TACC2: variants seen among roughly 807,000 people sequenced by gnomAD.
The protein encoded by TACC2 is transforming acidic coiled-coil-containing protein 2.
A neutral mutation model predicts 227.3 loss-of-function variants in TACC2; 137 were observed. That is an observed-to-expected ratio of 0.60 (90% CI 0.52 to 0.69). The LOEUF is 0.69. Among genes scored for constraint, TACC2 ranks in the 30% least tolerant of loss-of-function variants. The probability of loss-of-function intolerance (pLI) is 0.00; values close to 1 mark genes in which losing one functional copy is unlikely to be tolerated. For missense variants in TACC2, 3,470 were observed against 3,694.4 expected, an observed-to-expected ratio of 0.94 and a Z score of 1.57; for synonymous variants, 1,523 against 1,487.5, an observed-to-expected ratio of 1.02 and a Z score of -0.55.
intron 6 of TACC2, 105 bp downstream of exon 6, chr10:122,132,839 G>C (rs2088636599): frequency 8.1e-7 from 1 of 1,238,560 alleles, no homozygotes; most frequent in Non-Finnish European, 1.1e-6. Flanking sequence ...CTTTTCTCCT[G>C]CAGTTTCACC....
rs1205444007 is a variant in TACC2, at chr10:122,230,244, GC to G, written c.8038-105del. On this transcript the variant is annotated intron_variant, in intron 15 of 22. Transcript: ENST00000369005. ...GGCGGAGCGCGTGTTTTTCCCGAGT[GC>G]CTGTCATGACACATTTTCGTGGCAC... 28 of 885,712 alleles carry G rather than the reference GC, an allele frequency of 3.2e-5. No individual in the cohort carries two copies. In the African/African-American group the frequency reaches 3.6e-4, roughly 11 times the overall value. 54.9% of individuals were successfully genotyped at this position (885,712 alleles called of 1,614,324 possible).
rs764266181 is a variant in TACC2 at position 122,084,416 on chromosome 10, G to A, written c.1916G>A (p.Gly639Glu). The change falls in exon 4 of 23, where the codon GGG (glycine) becomes GAG (glutamate). Residue 639 changes from glycine (G) to glutamate (E), a missense_variant. Physicochemically the swap from Gly to Glu is moderately conservative, Grantham distance 98 (BLOSUM62 -2). Transcript: ENST00000369005. ...SSHSAQPPRK[G>E]GAGHTDGPHS... ...CACTCAGCACAGCCACCCAGAAAGGGGGGTGCTGGGCACACGGACGGGCCC... is the reference window on the plus strand; with the variant it reads ...CACTCAGCACAGCCACCCAGAAAGGAGGGTGCTGGGCACACGGACGGGCCC... 1.2e-6 allele frequency: 2 copies of A among 1,613,006 alleles called. No individual in the cohort carries two copies. Among genetic ancestry groups the A allele is most frequent in the Non-Finnish European group, 1.7e-6 (2 of 1,180,026 alleles).
intron 3 of TACC2, among the ~76,000 whole-genome samples, chr10:122,064,844 G>C (rs1353895415): frequency 4.6e-5 from 7 of 152,102 alleles, no homozygotes; most frequent in African/African-American, 9.7e-5. Context: ...CATACTGTGA[G>C]TTGTCTGAAT....
Position 122,180,634 on chromosome 10 carries a change from G to A in TACC2, c.5835-14406G>A, listed in dbSNP as rs995061841. On this transcript the variant is annotated intron_variant, in intron 7 of 22. Transcript: ENST00000369005. This position sits in a 1 kb window ranked among gnomAD's most constrained non-coding sequence, Gnocchi z 4.5. ...ATTACAGGCATGAGCCACCGCACCC[G>A]GCCTCTTCCCTCGAGTTCTAATGAC... 1.3e-5 allele frequency among the ~76,000 whole-genome samples: 2 copies of A among 152,062 alleles called. No individual in the cohort carries two copies. Among genetic ancestry groups the A allele is most frequent in the African/African-American group, 2.4e-5 (1 of 41,414 alleles).
rs1476704358 is a variant in TACC2 at position 122,086,023 on chromosome 10, T to C, written c.3523T>C (p.Ser1175Pro). 6.2e-7 allele frequency: 1 copy of C among 1,613,912 alleles called. No homozygotes were observed. Among genetic ancestry groups the C allele is most frequent in the Non-Finnish European group, 8.5e-7 (1 of 1,180,016 alleles). ...CLTSGEEAST[S>P]ALRESCQAEH... ...TACCTCCGGGGAGGAAGCTTCTACC[T>C]CTGCCCTACGTGAGTCCTGCCAAGC... The change falls in exon 4 of 23, where the codon TCT (serine) becomes CCT (proline). Residue 1175 changes from serine (S) to proline (P), a missense_variant. By Grantham distance (74) the Ser-to-Pro change is moderately conservative (BLOSUM62 -1). This residue lies in a region of TACC2 where 1,924 missense variants were observed against 1,978.3 expected (regional missense o/e 0.97). Transcript: ENST00000369005.
At chr10:122,014,989 A>G (rs1428036130) in intron 1 of TACC2, among the ~76,000 whole-genome samples, 2 of 152,152 alleles carry the variant, frequency 1.3e-5, no homozygotes, top group Non-Finnish European at 2.9e-5. Flanking sequence ...AAATCTTCTC[A>G]AGGTGGTAGT....
chr10:122,225,064 TAAA>T (rs10712513), intron 12 of TACC2, among the ~76,000 whole-genome samples: 2 of 143,910 alleles, frequency 1.4e-5, no homozygotes, highest in Non-Finnish European at 3.0e-5. Context: ...GAGATTTCTT[TAAA>T]AAAAAAAAAA....
intron 8 of TACC2, among the ~76,000 whole-genome samples, chr10:122,199,376 C>G (rs1014900160): frequency 1.3e-5 from 2 of 152,250 alleles, no homozygotes; most frequent in Non-Finnish European, 2.9e-5. Context: ...ACAGTGGCTT[C>G]CCTTTTCTTT....
chr10:122,164,673 T>C (rs2093042962), intron 7 of TACC2, among the ~76,000 whole-genome samples: 1 of 152,198 alleles, frequency 6.6e-6, no homozygotes, highest in Admixed American at 6.5e-5. Context: ...TCTGTTATGG[T>C]CGTCTCCATT....
intron 8 of TACC2, among the ~76,000 whole-genome samples, chr10:122,197,666 A>C (rs2094619523): frequency 6.6e-6 from 1 of 152,176 alleles, no homozygotes; most frequent in African/African-American, 2.4e-5. Context: ...CACCAATTGG[A>C]GTGTTTGAAC....
intron 5 of TACC2, among the ~76,000 whole-genome samples, chr10:122,100,721 C>T (rs984170091): frequency 5.3e-5 from 8 of 152,142 alleles, no homozygotes; most frequent in African/African-American, 1.7e-4. Context: ...CTATAGCGCC[C>T]GACTGTTGTC....
intron 7 of TACC2, among the ~76,000 whole-genome samples, chr10:122,166,131 A>C (rs2093147838): frequency 6.6e-6 from 1 of 152,214 alleles, no homozygotes; most frequent in Non-Finnish European, 1.5e-5. Flanking sequence ...TGACAAACAC[A>C]GGGTGCGCAC....
chr10:122,073,294 G>C (rs1318696059), intron 3 of TACC2, among the ~76,000 whole-genome samples: 1 of 151,870 alleles, frequency 6.6e-6, no homozygotes, highest in South Asian at 2.1e-4. Flanking sequence ...GGAGCAGGGG[G>C]TCTCACCATG....
At chr10:122,184,165 AC>A (rs1217456000) in intron 7 of TACC2, among the ~76,000 whole-genome samples, 3 of 152,130 alleles carry the variant, frequency 2.0e-5, no homozygotes, top group Non-Finnish European at 4.4e-5. Flanking sequence ...GTCCTTGGGT[AC>A]CTGCCTGAGA....
At position 122,084,694 on chromosome 10, in the gene TACC2, G is replaced by T; in HGVS notation, c.2194G>T (p.Ala732Ser). 6.2e-7 allele frequency: 1 copy of T among 1,613,700 alleles called. No individual in the cohort carries two copies. The highest frequency in any genetic ancestry group is 1.1e-5 in the South Asian group (1 of 91,086). ...TCCACCAACTCCTGTTGCAGAGGTT[G>T]CACCCAAAGCCCAGGAAGGTGAGAG... ...DFPPTPVAEV[A>S]PKAQEGESTL... The change falls in exon 4 of 23, where the codon GCA (alanine) becomes TCA (serine). Residue 732 changes from alanine to serine, a missense_variant. Physicochemically the swap from Ala to Ser is moderately conservative, Grantham distance 99. Coordinates refer to ENST00000369005, the MANE Select transcript of TACC2 (RefSeq NM_206862.4).
chr10:122,090,012 G>C (rs945054131), intron 5 of TACC2, among the ~76,000 whole-genome samples: 1 of 152,102 alleles, frequency 6.6e-6, no homozygotes, highest in Non-Finnish European at 1.5e-5. Context: ...AGGGGCAGGA[G>C]AAATATCTGT....
chr10:122,203,365 G>A lies in TACC2; in HGVS notation c.5972-7032G>A, dbSNP rs924100585. On this transcript the variant is annotated intron_variant, in intron 8 of 22. Coordinates refer to ENST00000369005, the MANE Select transcript of TACC2 (RefSeq NM_206862.4). ...GGATGGGGCGGCTGGCCGGGCAGGG[G>A]GCTGACCCCCCCACCTCCCTCCCGG... is the stretch of plus-strand genomic sequence containing the variant. 1.9e-4 allele frequency among the ~76,000 whole-genome samples: 28 copies of A among 148,842 alleles called. 1 individual carries two copies. The highest frequency in any genetic ancestry group is 7.9e-4 in the Admixed American group (12 of 15,096).
chr10:122,119,740 C>T (rs1233688596), intron 5 of TACC2, among the ~76,000 whole-genome samples: 1 of 152,036 alleles, frequency 6.6e-6, no homozygotes, highest in Admixed American at 6.5e-5. Context: ...ATGGCAAAAC[C>T]CTGTTCCTAC....
intron 6 of TACC2, among the ~76,000 whole-genome samples, chr10:122,142,317 C>T (rs2090708787): frequency 6.6e-6 from 1 of 152,226 alleles, no homozygotes; most frequent in Non-Finnish European, 1.5e-5. Context: ...GGCGGCCTGG[C>T]CCAGGGTTGC....
Sources: gnomAD v4.1 joint callset for allele counts (sites outside exome capture counted in the v4.1 genomes callset) on GRCh38, gnomAD v4.1.1 for gene constraint, gnomAD v4.1.1 regional missense constraint, Gnocchi (gnomAD v3.1) non-coding constraint, MANE v1.5 for transcripts, NCBI Gene and HGNC (gene_info 2026-07-23, HGNC 2026-07-21) for gene names.